The following UVRAG variants were observed in gnomAD, a reference collection of about 807,000 sequenced individuals.
UVRAG encodes the protein UV radiation resistance-associated gene protein.
Under a neutral mutation model 78.0 loss-of-function variants are expected in UVRAG, and 19 were observed. That is an observed-to-expected ratio of 0.24 (90% CI 0.17 to 0.36). UVRAG has a LOEUF of 0.36. Among genes scored for constraint, UVRAG ranks in the 10% least tolerant of loss-of-function variants. The probability of loss-of-function intolerance (pLI) is 1.00; values close to 1 mark genes in which losing one functional copy is unlikely to be tolerated. For synonymous variants in UVRAG, 323 were observed against 324.6 expected, an observed-to-expected ratio of 1.00 and a Z score of 0.05; for missense variants, 740 against 853.8, an observed-to-expected ratio of 0.87 and a Z score of 1.66.
At chr11:75,920,331 G>A (rs913599163) in intron 6 of UVRAG, among the ~76,000 whole-genome samples, 2 of 151,862 alleles carry the variant, frequency 1.3e-5, no homozygotes, top group African/African-American at 4.8e-5. Context: ...GGCTAATTTT[G>A]GTATTTAATG....
intron 14 of UVRAG, among the ~76,000 whole-genome samples, chr11:76,140,250 G>C (rs1952691646): frequency 6.6e-6 from 1 of 151,384 alleles, no homozygotes; most frequent in Admixed American, 6.6e-5. Flanking sequence ...CTGAGCATGG[G>C]CAAGTCATGT....
intron 1 of UVRAG, among the ~76,000 whole-genome samples, chr11:75,833,799 G>C (rs937288311): frequency 6.6e-6 from 1 of 152,364 alleles, no homozygotes; most frequent in Admixed American, 6.5e-5. Flanking sequence ...GTTATCTGCA[G>C]CAGGAGCATG....
At chr11:75,849,876 C>T (rs1412938010) in intron 1 of UVRAG, among the ~76,000 whole-genome samples, 1 of 152,190 alleles carries the variant, frequency 6.6e-6, no homozygotes, top group East Asian at 1.9e-4. Context: ...GCAAAGCAAG[C>T]AAAGAGTGAA....
At chr11:76,123,737 A>G (rs901724810) in intron 14 of UVRAG, among the ~76,000 whole-genome samples, 1 of 151,892 alleles carries the variant, frequency 6.6e-6, no homozygotes, top group Admixed American at 6.5e-5. Context: ...CTTAATTTTC[A>G]TAAGTTGTTT....
chr11:75,834,680 G>A (rs1467091353), intron 1 of UVRAG, among the ~76,000 whole-genome samples: 2 of 152,012 alleles, frequency 1.3e-5, no homozygotes, highest in African/African-American at 2.4e-5. Context: ...CGGGTGTGGT[G>A]GCACGTGCCT....
intron 7 of UVRAG, among the ~76,000 whole-genome samples, chr11:75,966,056 G>C (rs1252179156): frequency 1.3e-5 from 2 of 152,016 alleles, no homozygotes; most frequent in East Asian, 3.9e-4. Flanking sequence ...GTTTCTGAGA[G>C]TTTTTATCAC....
intron 1 of UVRAG, among the ~76,000 whole-genome samples, chr11:75,826,826 C>T (rs1171904841): frequency 6.6e-6 from 1 of 151,742 alleles, no homozygotes; most frequent in Non-Finnish European, 1.5e-5. Context: ...TTGCTGTAGA[C>T]CCTATGTGGT....
At chr11:76,040,692 A>G (rs931019537) in intron 12 of UVRAG, among the ~76,000 whole-genome samples, 1 of 151,878 alleles carries the variant, frequency 6.6e-6, no homozygotes, top group Admixed American at 6.6e-5. Context: ...AGTAGCTGGG[A>G]TTACAGGCAC....
At chr11:75,904,909 A>G (rs1345275241) in intron 5 of UVRAG, among the ~76,000 whole-genome samples, 1 of 152,182 alleles carries the variant, frequency 6.6e-6, no homozygotes, top group Non-Finnish European at 1.5e-5. Flanking sequence ...ATCTCATTTT[A>G]TAATTAAAGA....
chr11:75,872,351 A>T (rs1946669935), intron 3 of UVRAG, among the ~76,000 whole-genome samples: 1 of 151,156 alleles, frequency 6.6e-6, no homozygotes, highest in Non-Finnish European at 1.5e-5. Context: ...CAGTCCCCAC[A>T]ACATGGCCTT....
intron 14 of UVRAG, among the ~76,000 whole-genome samples, chr11:76,134,260 C>CTT (rs1180218277): frequency 0.017 from 2,089 of 122,790 alleles, 75 homozygotes; most frequent in African/African-American, 0.061. Context: ...CACACCTGGC[C>CTT]TTTTTTTTTT....
chr11:76,017,110 A>C, intron 12 of UVRAG, 130 bp downstream of exon 12: 1 of 551,676 alleles, frequency 1.8e-6, no homozygotes, highest in South Asian at 7.2e-5. Flanking sequence ...TGCCTCATTC[A>C]TTTAAATCAA....
At chr11:75,862,596 G>C (rs1946446916) in intron 3 of UVRAG, among the ~76,000 whole-genome samples, 1 of 152,110 alleles carries the variant, frequency 6.6e-6, no homozygotes, top group South Asian at 2.1e-4. Context: ...CTTATGTCTA[G>C]AACACTTGTT....
At chr11:76,103,537 GTTTTTTTTTTT>G (rs11312309) in intron 13 of UVRAG, among the ~76,000 whole-genome samples, 5,173 of 132,210 alleles carry the variant, frequency 0.039, 299 homozygotes, top group African/African-American at 0.13. Context: ...TGCTGTTTTG[GTTTTTTTTTTT>G]TTTTTTTGAA....
chr11:76,058,954 CTG>C (rs1365061097), intron 12 of UVRAG, among the ~76,000 whole-genome samples: 3 of 152,208 alleles, frequency 2.0e-5, no homozygotes, highest in East Asian at 3.8e-4. Context: ...GTTTGTGACA[CTG>C]TGAGGAAACC....
chr11:75,835,841 C>A lies in UVRAG; in HGVS notation c.118-16042C>A, dbSNP rs1037924117. Among the ~76,000 whole-genome samples the A allele has an allele frequency of 2.0e-5, 3 of 152,102 alleles. 1 individual carries two copies. Among genetic ancestry groups the A allele is most frequent in the Admixed American group, 2.0e-4 (3 of 15,262 alleles). The stretch of plus-strand genomic sequence containing the variant: ...GGGCATGGTGGCTCACGCCTGTAAT[C>A]CCAGCACTTTGGGAGGCGGTGGTGG... On this transcript the variant is annotated intron_variant, in intron 1 of 14. Transcript: ENST00000356136.
intron 1 of UVRAG, among the ~76,000 whole-genome samples, chr11:75,840,833 A>T (rs1209338076): frequency 6.6e-6 from 1 of 152,210 alleles, no homozygotes; most frequent in African/African-American, 2.4e-5. Context: ...CAAAATTTTC[A>T]TAGTGAGGCT....
chr11:76,121,554 AG>A (rs556905837), intron 14 of UVRAG, among the ~76,000 whole-genome samples: 111 of 152,330 alleles, frequency 7.3e-4, no homozygotes, highest in African/African-American at 2.6e-3. Context: ...GCTGCCTGTA[AG>A]ACAACAAGTT....
intron 6 of UVRAG, among the ~76,000 whole-genome samples, chr11:75,958,915 C>T (rs1565399125): frequency 6.6e-6 from 1 of 152,148 alleles, no homozygotes; most frequent in Non-Finnish European, 1.5e-5. Flanking sequence ...CTTGTACATG[C>T]CCATCAGCAC....
Sources: gnomAD v4.1 joint callset for allele counts (sites outside exome capture counted in the v4.1 genomes callset) on GRCh38, gnomAD v4.1.1 for gene constraint, MANE v1.5 for transcripts, NCBI Gene and HGNC (gene_info 2026-07-23, HGNC 2026-07-21) for gene names.